ABLIM1: variants seen among roughly 807,000 people sequenced by gnomAD.
ABLIM1 encodes the protein actin-binding LIM protein 1.
Under a neutral mutation model 107.0 loss-of-function variants are expected in ABLIM1, and 40 were observed. The observed-to-expected ratio is 0.37, with a 90% CI of 0.29 to 0.49. ABLIM1 has a LOEUF of 0.49. Among genes scored for constraint, ABLIM1 ranks in the 20% least tolerant of loss-of-function variants. The pLI, the probability that ABLIM1 is intolerant of heterozygous loss-of-function variation, is 0.97. For synonymous variants in ABLIM1, 357 were observed against 357.3 expected (o/e 1.00, Z 0.01); for missense variants, 857 against 1,008.5 (o/e 0.85, Z 2.04).
chr10:114,590,162 C>T (rs1376492033), intron 2 of ABLIM1, among the ~76,000 whole-genome samples: 1 of 152,074 alleles, frequency 6.6e-6, no homozygotes, highest in African/African-American at 2.4e-5. Context: ...TAGGCTACAC[C>T]ATATGGCCTA....
At chr10:114,618,761 CTG>C (rs2077285390) in intron 1 of ABLIM1, among the ~76,000 whole-genome samples, 1 of 152,226 alleles carries the variant, frequency 6.6e-6, no homozygotes, top group Non-Finnish European at 1.5e-5. Context: ...CCTGAAAGTA[CTG>C]TGTTGACTGC....
At chr10:114,632,312 G>A in intron 1 of ABLIM1, 1 of 985,366 alleles carries the variant, frequency 1.0e-6, no homozygotes, top group South Asian at 4.7e-5. Context: ...CCGAACGCTG[G>A]CCCCCTCCCA....
intron 4 of ABLIM1, among the ~76,000 whole-genome samples, chr10:114,551,928 A>G (rs950631823): frequency 1.3e-5 from 2 of 152,072 alleles, no homozygotes; most frequent in Non-Finnish European, 2.9e-5. Flanking sequence ...GCCACTCTAC[A>G]TGTTTTATAG....
intron 1 of ABLIM1, among the ~76,000 whole-genome samples, chr10:114,634,150 T>TTTTTTTTTTTTTTTTTTTTTTTTGGGG: frequency 7.8e-6 from 1 of 127,468 alleles, no homozygotes; most frequent in African/African-American, 3.0e-5. Flanking sequence ...TTTTTTTTTT[T>TTTTTTTTTTTTTTTTTTTTTTTTGGGG]GAGACGGAGT....
intron 1 of ABLIM1, among the ~76,000 whole-genome samples, chr10:114,728,675 G>A (rs2082012410): frequency 6.6e-6 from 1 of 151,782 alleles, no homozygotes; most frequent in Non-Finnish European, 1.5e-5. Flanking sequence ...GCTGTGATGT[G>A]TATTGTTCGT....
chr10:114,504,462 C>CTT (rs760218895), intron 6 of ABLIM1, among the ~76,000 whole-genome samples: 2 of 152,236 alleles, frequency 1.3e-5, no homozygotes, highest in East Asian at 1.9e-4. Context: ...AGTAAGTATT[C>CTT]TTTTTTTCCT....
intron 6 of ABLIM1, among the ~76,000 whole-genome samples, chr10:114,496,163 A>T (rs902602018): frequency 1.3e-5 from 2 of 152,182 alleles, no homozygotes; most frequent in Non-Finnish European, 2.9e-5. Context: ...TGTTCTATTA[A>T]CTCACAAGAT....
At chr10:114,493,728 A>C (rs1451320129) in intron 6 of ABLIM1, among the ~76,000 whole-genome samples, 1 of 152,248 alleles carries the variant, frequency 6.6e-6, no homozygotes. Flanking sequence ...ATCTACACAA[A>C]GCAAATTATG....
intron 12 of ABLIM1, among the ~76,000 whole-genome samples, chr10:114,459,946 T>C (rs139279452): frequency 3.5e-4 from 54 of 152,362 alleles, no homozygotes; most frequent in African/African-American, 1.2e-3. Context: ...CATAGGGGTG[T>C]TATAATTTTT....
At chr10:114,520,845 G>A (rs2063627172) in intron 6 of ABLIM1, among the ~76,000 whole-genome samples, 2 of 151,896 alleles carry the variant, frequency 1.3e-5, no homozygotes. Flanking sequence ...GGGCATGATG[G>A]CATGCACCTG....
chr10:114,656,269 C>CAAAAA (rs71007486), intron 1 of ABLIM1, among the ~76,000 whole-genome samples: 29 of 63,552 alleles, frequency 4.6e-4, no homozygotes, highest in African/African-American at 1.6e-3. Context: ...AACTCCGTCT[C>CAAAAA]AAAAAAAAAA....
intron 1 of ABLIM1, among the ~76,000 whole-genome samples, chr10:114,741,539 A>G (rs2082289116): frequency 6.6e-6 from 1 of 152,116 alleles, no homozygotes; most frequent in Non-Finnish European, 1.5e-5. Context: ...TATTCTTAAT[A>G]TGAATCCTTG....
At chr10:114,581,820 T>C (rs1023393124) in intron 2 of ABLIM1, among the ~76,000 whole-genome samples, 1 of 152,116 alleles carries the variant, frequency 6.6e-6, no homozygotes, top group African/African-American at 2.4e-5. Context: ...ATGAGGGCCA[T>C]GTGCTCTAGA....
Position 114,460,446 on chromosome 10 carries a change from C to T in ABLIM1, c.1441+5252G>A, listed in dbSNP as rs149773299. Reference sequence around the variant, plus strand: ...TGAAACCCCGTCTCTACTAAAAATACGAAAATTAGCTAGGCGTGGTGGCGC... The same window carrying T: ...TGAAACCCCGTCTCTACTAAAAATATGAAAATTAGCTAGGCGTGGTGGCGC... On this transcript the variant is annotated intron_variant, in intron 12 of 22. Transcript: ENST00000533213. Among the ~76,000 whole-genome samples, 1,300 of 152,114 alleles carry T rather than the reference C, an allele frequency of 8.5e-3. 10 individuals carry two copies. Among genetic ancestry groups the T allele is most frequent in the African/African-American group, 0.017 (721 of 41,494 alleles).
intron 13 of ABLIM1, among the ~76,000 whole-genome samples, chr10:114,451,912 C>T (rs1327175680): frequency 6.6e-6 from 1 of 152,084 alleles, no homozygotes; most frequent in Non-Finnish European, 1.5e-5. Flanking sequence ...ATGTGATTAA[C>T]TCATGAGCCA....
chr10:114,475,162 C>T (rs2056123345), intron 8 of ABLIM1, among the ~76,000 whole-genome samples: 1 of 152,192 alleles, frequency 6.6e-6, no homozygotes, highest in African/African-American at 2.4e-5. Context: ...CCTCCTACCT[C>T]GTCTCTCACC....
In ABLIM1 at chr10:114,655,521, G is replaced by A. The variant is rs766828908; in HGVS notation, c.244+2436C>T. ...AGTAGAAACATTCCATAGAAGCATC[G>A]AAGTCATTCAGAATAAAGTGTTAGC... On this transcript the variant is annotated intron_variant, in intron 1 of 22. Transcript: ENST00000533213. 6.6e-5 allele frequency among the ~76,000 whole-genome samples: 10 copies of A among 152,118 alleles called. 1 individual carries two copies. Among genetic ancestry groups the A allele is most frequent in the Non-Finnish European group, 1.5e-4 (10 of 68,020 alleles).
chr10:114,788,042 G>T, the ABLIM1 span, among the ~76,000 whole-genome samples: 1 of 149,078 alleles, frequency 6.7e-6, no homozygotes, highest in African/African-American at 2.5e-5. Flanking sequence ...CCAACCCTGT[G>T]CTCTCTGAAA....
At chr10:114,688,199 T>G (rs2080988118), upstream of ABLIM1, among the ~76,000 whole-genome samples, 1 of 152,214 alleles carries the variant, frequency 6.6e-6, no homozygotes, top group African/African-American at 2.4e-5. Flanking sequence ...TTCATTCCAA[T>G]TTCTGCTTAT....
Sources: gnomAD v4.1 joint callset for allele counts (sites outside exome capture counted in the v4.1 genomes callset) on GRCh38, gnomAD v4.1.1 for gene constraint, MANE v1.5 for transcripts, NCBI Gene and HGNC (gene_info 2026-07-23, HGNC 2026-07-21) for gene names.